APOLD1: variants seen among roughly 807,000 people sequenced by gnomAD.
APOLD1 encodes apolipoprotein L domain-containing protein 1.
Under a neutral mutation model 15.3 loss-of-function variants are expected in APOLD1, and 22 were observed. The observed-to-expected ratio is 1.44, with a 90% confidence interval of 1.03 to 2.05. The LOEUF is 2.05. APOLD1 is among the 30% of genes most tolerant of loss of function. The pLI, the probability that APOLD1 is intolerant of heterozygous loss-of-function variation, is 0.00. For missense variants in APOLD1, 394 were observed against 353.5 expected (o/e 1.11, Z -0.92); for synonymous variants, 190 against 167.4 (o/e 1.13, Z -1.04).
At chr12:12,766,887 A>G (rs1004656081) in intron 1 of APOLD1, among the ~76,000 whole-genome samples, 2 of 152,060 alleles carry the variant, frequency 1.3e-5, no homozygotes, top group South Asian at 2.1e-4. Flanking sequence ...AACAAAACAA[A>G]TAAACAGAAA....
At chr12:12,755,617 G>A (rs1359033687) in intron 1 of APOLD1, among the ~76,000 whole-genome samples, 1 of 152,198 alleles carries the variant, frequency 6.6e-6, no homozygotes, top group African/African-American at 2.4e-5. Context: ...AAGGCAGGTG[G>A]ATTGCTTAAG....
At chr12:12,781,313 A>T (rs1480485040), upstream of APOLD1, among the ~76,000 whole-genome samples, 2 of 151,576 alleles carry the variant, frequency 1.3e-5, no homozygotes, top group African/African-American at 4.8e-5. Context: ...GGGTGGTGGC[A>T]GGCACTTGTA....
upstream of APOLD1, among the ~76,000 whole-genome samples, chr12:12,783,740 C>T (rs777807766): frequency 3.3e-5 from 5 of 150,406 alleles, no homozygotes; most frequent in Non-Finnish European, 7.4e-5. Context: ...TGCAAGTGAT[C>T]CTCCTGCCTC....
chr12:12,743,042 G>A (rs1324553292), intron 1 of APOLD1, among the ~76,000 whole-genome samples: 1 of 152,224 alleles, frequency 6.6e-6, no homozygotes, highest in Admixed American at 6.5e-5. Flanking sequence ...GTGAGCCACC[G>A]CGCCCCGCCA....
intron 1 of APOLD1, among the ~76,000 whole-genome samples, chr12:12,743,967 C>A (rs1368114245): frequency 6.6e-6 from 1 of 152,146 alleles, no homozygotes; most frequent in Non-Finnish European, 1.5e-5. Flanking sequence ...TGGCACCTTG[C>A]TTTTAGCCCA....
At chr12:12,786,147 A>C (rs988401919) in intron 1 of APOLD1, among the ~76,000 whole-genome samples, 1 of 152,246 alleles carries the variant, frequency 6.6e-6, no homozygotes, top group Non-Finnish European at 1.5e-5. Context: ...TATTTTATTC[A>C]ACCATTACTC....
At chr12:12,730,714 GT>G (rs57016384) in intron 1 of APOLD1, among the ~76,000 whole-genome samples, 62,396 of 125,938 alleles carry the variant, frequency 0.5, 14,965 homozygotes, top group Non-Finnish European at 0.53. Context: ...AAAGAAAAAA[GT>G]TTTTTTTTTT....
At chr12:12,786,779 C>A in intron 1 of APOLD1, 130 bp from the exon 2 acceptor site, 1 of 1,300,558 alleles carries the variant, frequency 7.7e-7, no homozygotes, top group Non-Finnish European at 9.7e-7. Context: ...GGAAACAGAC[C>A]CGTTCCCCTA....
intron 1 of APOLD1, among the ~76,000 whole-genome samples, chr12:12,727,581 A>ATTAT (rs71064314): frequency 0.053 from 8,083 of 151,552 alleles, 241 homozygotes; most frequent in African/African-American, 0.073. Flanking sequence ...TGAAAGCTTT[A>ATTAT]TTATTTATTT....
intron 1 of APOLD1, among the ~76,000 whole-genome samples, chr12:12,727,389 T>C (rs1354863684): frequency 6.6e-6 from 1 of 152,202 alleles, no homozygotes; most frequent in African/African-American, 2.4e-5. Context: ...GTGGAGTTAC[T>C]AGACAATTTA....
At chr12:12,785,311 T>C (rs1947115506), upstream of APOLD1, among the ~76,000 whole-genome samples, 1 of 152,142 alleles carries the variant, frequency 6.6e-6, no homozygotes, top group South Asian at 2.1e-4. Flanking sequence ...AGAAACACTA[T>C]AATTGGTCAG....
rs1255912650 is a variant in APOLD1, at chr12:12,747,494, G to A, written c.96+21398G>A. ...AGCCAGCATGAGGCCTGCTGTAGGG[G>A]CAGGCTGACACTCTGGTCGCCAGGG... is the stretch of plus-strand genomic sequence containing the variant. On this transcript the variant is annotated intron_variant, in intron 1 of 1. Transcript: ENST00000326765. 2.0e-5 allele frequency among the ~76,000 whole-genome samples: 3 copies of A among 152,182 alleles called. No individual in the cohort carries two copies. The East Asian group carries it at 5.8e-4, about 29-fold the overall frequency.
intron 1 of APOLD1, among the ~76,000 whole-genome samples, chr12:12,759,705 G>A (rs113870922): frequency 6.0e-4 from 92 of 152,324 alleles, no homozygotes; most frequent in Admixed American, 1.8e-3. Flanking sequence ...GGGCTGCCTT[G>A]ACGTCAGTAT....
chr12:12,751,800 A>G (rs879658833), intron 1 of APOLD1, among the ~76,000 whole-genome samples: 2 of 152,196 alleles, frequency 1.3e-5, no homozygotes, highest in Non-Finnish European at 2.9e-5. Flanking sequence ...GAGGATCTTG[A>G]GATAAGAGAG....
At chr12:12,728,766 T>C (rs1946614976) in intron 1 of APOLD1, among the ~76,000 whole-genome samples, 1 of 148,476 alleles carries the variant, frequency 6.7e-6, no homozygotes, top group African/African-American at 2.5e-5. Flanking sequence ...CAAAAAAAAC[T>C]ATTTAGACCC....
chr12:12,758,811 G>T (rs1318023140), intron 1 of APOLD1, among the ~76,000 whole-genome samples: 1 of 152,076 alleles, frequency 6.6e-6, no homozygotes, highest in Non-Finnish European at 1.5e-5. Context: ...AGCAATCTCG[G>T]CATATGATTT....
upstream of APOLD1, among the ~76,000 whole-genome samples, chr12:12,782,046 G>T (rs1947085329): frequency 6.6e-6 from 1 of 151,640 alleles, no homozygotes; most frequent in Admixed American, 6.6e-5. Flanking sequence ...ATCACCTGAG[G>T]TCAGGAGTTT....
chr12:12,771,375 G>A, intron 1 of APOLD1: 1 of 312,076 alleles, frequency 3.2e-6, no homozygotes, highest in Non-Finnish European at 6.2e-6. Flanking sequence ...GACTGCAATG[G>A]CTACAATAGC....
chr12:12,736,520 C>T lies in APOLD1; in HGVS notation c.96+10424C>T, dbSNP rs190232705. On this transcript the variant is annotated intron_variant, in intron 1 of 1. Coordinates refer to the APOLD1 transcript ENST00000326765. ...CCAGCCTGGGTGACAGACTGAGACC[C>T]TGTCTCAAAAGAATAAATAAATAAA... 2.6e-5 allele frequency among the ~76,000 whole-genome samples: 4 copies of T among 152,282 alleles called. No homozygotes were observed. The East Asian group carries it at 7.7e-4, about 29-fold the overall frequency.
Sources: allele counts gnomAD v4.1 joint callset (sites outside exome capture counted in the v4.1 genomes callset), GRCh38; gene constraint gnomAD v4.1.1; transcripts MANE v1.5; gene names NCBI Gene and HGNC (gene_info 2026-07-23, HGNC 2026-07-21).